The following HPSE2 variants were observed in gnomAD, a reference collection of about 807,000 sequenced individuals.
HPSE2 encodes the protein inactive heparanase-2.
A neutral mutation model predicts 60.5 loss-of-function variants in HPSE2; 38 were observed. That is an observed-to-expected ratio of 0.63 (90% CI 0.48 to 0.82). The LOEUF is 0.82. Among genes scored for constraint, HPSE2 ranks in the 40% least tolerant of loss-of-function variants. The pLI, the probability that HPSE2 is intolerant of heterozygous loss-of-function variation, is 0.00. For synonymous variants in HPSE2, 295 were observed against 293.2 expected (o/e 1.01, Z -0.06); for missense variants, 713 against 740.4 (o/e 0.96, Z 0.43).
chr10:99,061,099 G>A (rs1021319834), intron 3 of HPSE2, among the ~76,000 whole-genome samples: 52 of 152,218 alleles, frequency 3.4e-4, no homozygotes, highest in African/African-American at 1.2e-3. Flanking sequence ...TTAATTATAT[G>A]CTGGCAGGTA....
chr10:99,022,337 G>A (rs948994380), intron 3 of HPSE2, among the ~76,000 whole-genome samples: 3 of 152,156 alleles, frequency 2.0e-5, no homozygotes, highest in African/African-American at 7.2e-5. Context: ...AATCCCAGCT[G>A]TCTGAACTTG....
At chr10:98,874,874 G>A (rs188124707) in intron 3 of HPSE2, among the ~76,000 whole-genome samples, 100 of 152,078 alleles carry the variant, frequency 6.6e-4, no homozygotes, top group African/African-American at 2.3e-3. Context: ...TAATCATGTC[G>A]TTTTTGTCTT....
At chr10:99,114,428 T>C (rs1844591593) in intron 3 of HPSE2, among the ~76,000 whole-genome samples, 1 of 152,172 alleles carries the variant, frequency 6.6e-6, no homozygotes, top group African/African-American at 2.4e-5. Flanking sequence ...AAAGTTAAAA[T>C]GAATTCAAAG....
At chr10:99,157,577 C>A (rs965521346) in intron 2 of HPSE2, among the ~76,000 whole-genome samples, 1 of 133,216 alleles carries the variant, frequency 7.5e-6, no homozygotes, top group African/African-American at 2.5e-5. Context: ...GGATCCCTTC[C>A]TTATACCTTA....
chr10:99,161,191 C>T (rs1483679062), intron 2 of HPSE2, among the ~76,000 whole-genome samples: 2 of 151,016 alleles, frequency 1.3e-5, no homozygotes, highest in Non-Finnish European at 2.9e-5. Flanking sequence ...ACTGCACTCC[C>T]GCCTCGGTAA....
At chr10:99,276,548 T>C in the HPSE2 span, among the ~76,000 whole-genome samples, 24 of 152,184 alleles carry the variant, frequency 1.6e-4, no homozygotes, top group Admixed American at 6.5e-4. Flanking sequence ...CTCATACGAA[T>C]TATATTTATA....
chr10:98,731,397 A>T (rs1371908386), intron 4 of HPSE2, among the ~76,000 whole-genome samples: 1 of 152,208 alleles, frequency 6.6e-6, no homozygotes, highest in African/African-American at 2.4e-5. Flanking sequence ...CCAGCAACAT[A>T]TGAAAAGTAT....
chr10:99,211,036 TG>T (rs1358173207), intron 2 of HPSE2, among the ~76,000 whole-genome samples: 1 of 152,038 alleles, frequency 6.6e-6, no homozygotes, highest in African/African-American at 2.4e-5. Flanking sequence ...ACCAAAAAAC[TG>T]TCAGAACTAT....
chr10:99,122,148 TTTTG>T (rs1403246220), intron 3 of HPSE2, among the ~76,000 whole-genome samples: 1 of 152,056 alleles, frequency 6.6e-6, no homozygotes, highest in African/African-American at 2.4e-5. Context: ...ATCAAAATAT[TTTTG>T]TCTGTATTAT....
intron 4 of HPSE2, among the ~76,000 whole-genome samples, chr10:98,731,281 A>C (rs536183462): frequency 5.9e-5 from 9 of 151,878 alleles, no homozygotes; most frequent in East Asian, 1.9e-4. Context: ...CCTTTCTCAA[A>C]AACAACAACA....
intron 3 of HPSE2, among the ~76,000 whole-genome samples, chr10:99,084,008 GT>G (rs1182249252): frequency 3.4e-5 from 4 of 118,622 alleles, no homozygotes; most frequent in Non-Finnish European, 7.0e-5. Context: ...ACTGCCCAGG[GT>G]TTTTTCCCAA....
At chr10:99,020,768 C>A (rs1214776573) in intron 3 of HPSE2, among the ~76,000 whole-genome samples, 1 of 152,062 alleles carries the variant, frequency 6.6e-6, no homozygotes. Flanking sequence ...GATCCCTACC[C>A]ACAGTGAAAA....
At chr10:98,739,995 C>T (rs1030500036) in intron 4 of HPSE2, among the ~76,000 whole-genome samples, 2 of 151,994 alleles carry the variant, frequency 1.3e-5, no homozygotes, top group Non-Finnish European at 2.9e-5. Context: ...TTCTTTCTTA[C>T]TTTAGATTCA....
intron 9 of HPSE2, among the ~76,000 whole-genome samples, chr10:98,510,431 T>C (rs1279522591): frequency 6.6e-6 from 1 of 152,188 alleles, no homozygotes; most frequent in African/African-American, 2.4e-5. Context: ...AGGATCTGCA[T>C]GGGCTGCAAC....
At chr10:98,526,381 C>G (rs4919235) in intron 9 of HPSE2, among the ~76,000 whole-genome samples, 46,898 of 151,842 alleles carry the variant, frequency 0.31, 7,380 homozygotes, top group East Asian at 0.43. Flanking sequence ...GCATAACAAT[C>G]ATATTATTAG....
At chr10:98,724,640 C>T (rs1282226843) in intron 4 of HPSE2, among the ~76,000 whole-genome samples, 1 of 152,124 alleles carries the variant, frequency 6.6e-6, no homozygotes, top group African/African-American at 2.4e-5. Flanking sequence ...CTTTATGAAT[C>T]TGGGTGCTCC....
intron 3 of HPSE2, among the ~76,000 whole-genome samples, chr10:98,965,341 C>T (rs1955786369): frequency 6.6e-6 from 1 of 151,788 alleles, no homozygotes; most frequent in Non-Finnish European, 1.5e-5. Context: ...AATACTAGTG[C>T]TAGTTGGTAA....
chr10:99,098,438 G>T, intron 3 of HPSE2, among the ~76,000 whole-genome samples: 1 of 152,138 alleles, frequency 6.6e-6, no homozygotes, highest in Non-Finnish European at 1.5e-5. Context: ...TGTATATTTT[G>T]CAAATAGGCT....
intron 3 of HPSE2, among the ~76,000 whole-genome samples, chr10:98,838,774 G>T (rs1395728711): frequency 6.6e-6 from 1 of 152,004 alleles, no homozygotes; most frequent in Non-Finnish European, 1.5e-5. Context: ...ACAGTGCTAG[G>T]TGTTCAAATG....
Sources: allele counts gnomAD v4.1 joint callset (sites outside exome capture counted in the v4.1 genomes callset), GRCh38; gene constraint gnomAD v4.1.1; transcripts MANE v1.5; gene names NCBI Gene and HGNC (gene_info 2026-07-23, HGNC 2026-07-21).